The following CTNND2 variants were observed in gnomAD, a reference collection of about 807,000 sequenced individuals.
CTNND2 encodes the protein catenin delta-2.
CTNND2 carries 22 observed loss-of-function variants against 144.4 expected under a neutral mutation model. That is an observed-to-expected ratio of 0.15 (90% confidence interval 0.11 to 0.22). CTNND2 has a LOEUF of 0.22. Among genes scored for constraint, CTNND2 ranks in the 10% least tolerant of loss-of-function variants. The probability of loss-of-function intolerance (pLI) is 1.00; values close to 1 mark genes in which losing one functional copy is unlikely to be tolerated. For synonymous variants in CTNND2, 751 were observed against 695.6 expected (o/e 1.08, Z -1.25); for missense variants, 1,353 against 1,618.8 (o/e 0.84, Z 2.82).
chr5:11,817,981 GTTTTTTTTTTT>G (rs35360011), intron 1 of CTNND2, among the ~76,000 whole-genome samples: 2 of 31,870 alleles, frequency 6.3e-5, no homozygotes, highest in African/African-American at 8.4e-5. Flanking sequence ...ATTATGAGGT[GTTTTTTTTTTT>G]TTTTTTTTTT....
At chr5:11,533,212 G>A (rs31788) in intron 3 of CTNND2, among the ~76,000 whole-genome samples, 4,081 of 152,258 alleles carry the variant, frequency 0.027, 56 homozygotes, top group African/African-American at 0.045. Flanking sequence ...TCTGTCAAAC[G>A]CAAGACTTCC....
At chr5:11,193,497 C>A (rs1319406285) in intron 11 of CTNND2, among the ~76,000 whole-genome samples, 1 of 151,978 alleles carries the variant, frequency 6.6e-6, no homozygotes, top group Non-Finnish European at 1.5e-5. Flanking sequence ...GGACAATGTA[C>A]CTGGACATTA....
At chr5:11,487,866 G>A (rs999417317) in intron 3 of CTNND2, among the ~76,000 whole-genome samples, 3 of 152,072 alleles carry the variant, frequency 2.0e-5, no homozygotes, top group Non-Finnish European at 4.4e-5. Flanking sequence ...CAAAGACTAC[G>A]GATCAGTGGC....
chr5:11,892,846 T>C (rs1737087636), intron 1 of CTNND2, among the ~76,000 whole-genome samples: 1 of 152,202 alleles, frequency 6.6e-6, no homozygotes, highest in Non-Finnish European at 1.5e-5. Context: ...CGAAATCTAC[T>C]ACTGGTCCAA....
At chr5:11,422,210 T>G (rs944840007) in intron 3 of CTNND2, among the ~76,000 whole-genome samples, 1 of 143,626 alleles carries the variant, frequency 7.0e-6, no homozygotes, top group African/African-American at 2.8e-5. Flanking sequence ...ATTTATATTG[T>G]CTACCTTTTT....
intron 2 of CTNND2, among the ~76,000 whole-genome samples, chr5:11,643,299 T>A (rs1249655763): frequency 2.6e-5 from 4 of 151,912 alleles, no homozygotes; most frequent in Admixed American, 2.6e-4. Context: ...GTTTGTTACA[T>A]ATGTATACAT....
At chr5:11,175,947 C>G (rs1011650) in intron 11 of CTNND2, among the ~76,000 whole-genome samples, 138,373 of 152,230 alleles carry the variant, frequency 0.91, 62,982 homozygotes, top group South Asian at 0.94. Context: ...CCTTCCCATG[C>G]GCATTCCTTT....
In CTNND2 at chr5:11,380,252, C is replaced by T. The variant is rs180914229; in HGVS notation, c.1177+4413G>A. Among the ~76,000 whole-genome samples the T allele has an allele frequency of 4.6e-5, 7 of 152,274 alleles. No homozygotes were observed. The East Asian group carries it at 1.4e-3, about 29-fold the overall frequency. ...TTCATCTGCATATGCCCAACACAGA[C>T]ACTGACATGTTCTGGGATTCAATAA... On this transcript the variant is annotated intron_variant, in intron 7 of 21. Coordinates refer to ENST00000304623, the MANE Select transcript of CTNND2 (RefSeq NM_001332.4).
intron 1 of CTNND2, among the ~76,000 whole-genome samples, chr5:11,798,760 C>T (rs1326150591): frequency 3.3e-5 from 5 of 151,820 alleles, no homozygotes; most frequent in South Asian, 2.1e-4. Context: ...AGTGAGACTC[C>T]GTCTCCAAAC....
chr5:11,421,922 G>T (rs1228319467), intron 3 of CTNND2, among the ~76,000 whole-genome samples: 1 of 152,172 alleles, frequency 6.6e-6, no homozygotes, highest in Non-Finnish European at 1.5e-5. Context: ...GATATCACTA[G>T]AATTTTTCCC....
chr5:11,573,584 A>C (rs1458621446), intron 2 of CTNND2, among the ~76,000 whole-genome samples: 1 of 152,176 alleles, frequency 6.6e-6, no homozygotes, highest in East Asian at 1.9e-4. Flanking sequence ...GGAACAAATC[A>C]ATGTCAACTG....
chr5:11,778,540 A>G (rs896932088), intron 1 of CTNND2, among the ~76,000 whole-genome samples: 1 of 152,160 alleles, frequency 6.6e-6, no homozygotes, highest in Non-Finnish European at 1.5e-5. Flanking sequence ...TCTCAATTGA[A>G]TCATGTGGAA....
At chr5:11,658,437 T>C (rs998730283) in intron 2 of CTNND2, among the ~76,000 whole-genome samples, 5 of 152,158 alleles carry the variant, frequency 3.3e-5, no homozygotes, top group African/African-American at 9.6e-5. Flanking sequence ...TGGTGCATTC[T>C]GAATCTATCT....
intron 18 of CTNND2, among the ~76,000 whole-genome samples, chr5:10,994,938 C>T (rs1365266326): frequency 6.6e-6 from 1 of 152,028 alleles, no homozygotes; most frequent in Non-Finnish European, 1.5e-5. Context: ...AGGAATCAAG[C>T]CTTACCGCAG....
Position 11,725,334 on chromosome 5 carries a change from T to G in CTNND2, c.174+6802A>C, listed in dbSNP as rs62340163. 8.4e-4 allele frequency among the ~76,000 whole-genome samples: 128 copies of G among 152,342 alleles called. 2 individuals carry two copies. In the Middle Eastern group the frequency reaches 0.01, roughly 12 times the overall value. On this transcript the variant is annotated intron_variant, in intron 2 of 21. Transcript: ENST00000304623. Reference sequence around the variant, plus strand: ...ATACAATTAACTAAAAAATAAGGTATAGTTGTTCCTTAAATTATTTGTATT... The same window carrying G: ...ATACAATTAACTAAAAAATAAGGTAGAGTTGTTCCTTAAATTATTTGTATT...
At chr5:11,578,978 C>T (rs763614556) in intron 2 of CTNND2, among the ~76,000 whole-genome samples, 2 of 152,152 alleles carry the variant, frequency 1.3e-5, no homozygotes, top group East Asian at 1.9e-4. Context: ...TGTGGGACAA[C>T]AGGATTGATT....
chr5:11,015,115 C>T (rs1183395429), intron 18 of CTNND2, among the ~76,000 whole-genome samples: 1 of 152,030 alleles, frequency 6.6e-6, no homozygotes, highest in East Asian at 1.9e-4. Flanking sequence ...TAAATAGATT[C>T]GAAGCATGGA....
At chr5:11,212,456 A>G (rs1046079794) in intron 10 of CTNND2, among the ~76,000 whole-genome samples, 48 of 152,212 alleles carry the variant, frequency 3.2e-4, no homozygotes, top group Non-Finnish European at 2.1e-4. Flanking sequence ...CACGCTTTTT[A>G]AAGTTGAGAG....
intron 2 of CTNND2, among the ~76,000 whole-genome samples, chr5:11,631,015 T>C (rs887986765): frequency 1.3e-5 from 2 of 152,094 alleles, no homozygotes; most frequent in African/African-American, 4.8e-5. Context: ...CATACATCTC[T>C]TAACTCTTCA....
Sources: gnomAD v4.1 joint callset for allele counts (sites outside exome capture counted in the v4.1 genomes callset) on GRCh38, gnomAD v4.1.1 for gene constraint, MANE v1.5 for transcripts, NCBI Gene and HGNC (gene_info 2026-07-23, HGNC 2026-07-21) for gene names.